Variants in INPP4B observed in about 807,000 individuals in gnomAD.
INPP4B encodes the protein inositol polyphosphate 4-phosphatase type II.
A neutral mutation model predicts 122.5 loss-of-function variants in INPP4B; 55 were observed. That is an observed-to-expected ratio of 0.45 (90% confidence interval 0.36 to 0.56). The LOEUF is 0.56. INPP4B is among the 20% of genes least tolerant of loss of function. The probability of loss-of-function intolerance (pLI) is 0.00; values close to 1 mark genes in which losing one functional copy is unlikely to be tolerated. For synonymous variants in INPP4B, 403 were observed against 388.7 expected (o/e 1.04, Z -0.43); for missense variants, 1,000 against 1,097.7 (o/e 0.91, Z 1.26).
chr4:142,113,107 G>A (rs1012611219), intron 21 of INPP4B, among the ~76,000 whole-genome samples: 1 of 151,930 alleles, frequency 6.6e-6, no homozygotes, highest in Admixed American at 6.6e-5. Context: ...TGGCTTGTTT[G>A]TTATCACTAT....
chr4:142,784,662 C>A (rs1298891024), intron 1 of INPP4B, among the ~76,000 whole-genome samples: 1 of 152,030 alleles, frequency 6.6e-6, no homozygotes, highest in Non-Finnish European at 1.5e-5. Flanking sequence ...GAAGACCCCA[C>A]AAGTTGGTAG....
intron 11 of INPP4B, among the ~76,000 whole-genome samples, chr4:142,246,051 T>TTA (rs1162765316): frequency 8.9e-4 from 47 of 52,526 alleles, no homozygotes; most frequent in African/African-American, 2.2e-3. Context: ...TATACACACA[T>TTA]TATATATATG....
intron 2 of INPP4B, among the ~76,000 whole-genome samples, chr4:142,540,027 A>G (rs939070047): frequency 2.6e-5 from 4 of 152,056 alleles, no homozygotes; most frequent in African/African-American, 9.7e-5. Context: ...TTAACTCCAA[A>G]TCACTTTTTT....
intron 5 of INPP4B, chr4:142,425,190 C>T (rs998790765): frequency 1.3e-5 from 2 of 152,062 alleles, no homozygotes; most frequent in Admixed American, 1.3e-4. Flanking sequence ...TCCCATGTCT[C>T]TCCATCCTTT....
chr4:142,314,223 A>T (rs1182572876), intron 8 of INPP4B, among the ~76,000 whole-genome samples: 1 of 152,212 alleles, frequency 6.6e-6, no homozygotes, highest in African/African-American at 2.4e-5. Flanking sequence ...CTAGAGAGGC[A>T]ATAGTTCAGT....
At chr4:142,611,889 G>C (rs549244222) in intron 2 of INPP4B, among the ~76,000 whole-genome samples, 35 of 151,928 alleles carry the variant, frequency 2.3e-4, no homozygotes, top group Non-Finnish European at 4.6e-4. Context: ...GGCTGGTCTC[G>C]AACTCCTGAC....
At chr4:142,335,061 A>G (rs1016293088) in intron 7 of INPP4B, among the ~76,000 whole-genome samples, 12 of 149,264 alleles carry the variant, frequency 8.0e-5, no homozygotes, top group African/African-American at 2.5e-4. Context: ...AAAGCCTATA[A>G]CTCAGCAGGC....
intron 7 of INPP4B, among the ~76,000 whole-genome samples, chr4:142,336,087 T>G (rs2646095): frequency 0.7 from 107,139 of 152,122 alleles, 38,848 homozygotes; most frequent in East Asian, 0.85. Flanking sequence ...ACTATCTGCT[T>G]TTGGGCTCCC....
At chr4:142,114,203 G>A (rs9995208) in intron 21 of INPP4B, among the ~76,000 whole-genome samples, 20,157 of 151,862 alleles carry the variant, frequency 0.13, 1,506 homozygotes, top group East Asian at 0.23. Flanking sequence ...TTGTCAACAC[G>A]TTTATCAGTT....
At chr4:142,623,837 C>G (rs549057897) in intron 2 of INPP4B, among the ~76,000 whole-genome samples, 1 of 151,150 alleles carries the variant, frequency 6.6e-6, no homozygotes, top group Non-Finnish European at 1.5e-5. Context: ...TTTGTCCTTG[C>G]GATAGTTTAC....
chr4:142,177,368 T>C (rs908086105), intron 15 of INPP4B, among the ~76,000 whole-genome samples: 3 of 152,190 alleles, frequency 2.0e-5, no homozygotes, highest in African/African-American at 7.2e-5. Flanking sequence ...CAGTTATAGC[T>C]TCTTAAATGG....
intron 7 of INPP4B, among the ~76,000 whole-genome samples, chr4:142,401,615 A>C (rs1801609865): frequency 6.6e-6 from 1 of 152,218 alleles, no homozygotes; most frequent in Admixed American, 6.5e-5. Flanking sequence ...AATAGCAGTA[A>C]CTTACCCTTA....
intron 1 of INPP4B, among the ~76,000 whole-genome samples, chr4:142,826,139 AT>A: frequency 6.6e-6 from 1 of 152,178 alleles, no homozygotes. Context: ...ATATACATAT[AT>A]GAGAAACGGT....
At chr4:142,447,402 A>G (rs1813146499) in intron 3 of INPP4B, among the ~76,000 whole-genome samples, 1 of 152,190 alleles carries the variant, frequency 6.6e-6, no homozygotes, top group Non-Finnish European at 1.5e-5. Flanking sequence ...CTGGATTGGG[A>G]AACCATTAAA....
rs141155494 is a variant in INPP4B at position 142,453,969 on chromosome 4, T to C, written c.-127+8694A>G. ...TCATGGACTGATTTAACAAATGCCT[T>C]GTGAAACACGGGTTAATTCTCTGTG... On this transcript the variant is annotated intron_variant, in intron 3 of 25. Coordinates refer to ENST00000262992, the MANE Select transcript of INPP4B (RefSeq NM_001101669.3). Among the ~76,000 whole-genome samples the C allele has an allele frequency of 9.9e-5, 15 of 152,220 alleles. No individual in the cohort carries two copies. In the East Asian group the frequency reaches 2.9e-3, roughly 29 times the overall value.
chr4:142,235,575 C>T (rs1007364629), intron 12 of INPP4B, among the ~76,000 whole-genome samples: 7 of 152,112 alleles, frequency 4.6e-5, no homozygotes, highest in African/African-American at 1.7e-4. Context: ...TCGCCCACCA[C>T]CACGCCTGGA....
intron 7 of INPP4B, among the ~76,000 whole-genome samples, chr4:142,362,944 T>C (rs1344257722): frequency 6.6e-6 from 1 of 151,998 alleles, no homozygotes; most frequent in Non-Finnish European, 1.5e-5. Flanking sequence ...CCTCATGCAA[T>C]ATATCCTTGT....
At chr4:142,537,278 C>T (rs2150011156) in intron 2 of INPP4B, among the ~76,000 whole-genome samples, 1 of 151,010 alleles carries the variant, frequency 6.6e-6, no homozygotes, top group East Asian at 1.9e-4. Flanking sequence ...ATGGACAGGG[C>T]TCTTAAAGGG....
chr4:142,126,662 C>T (rs1259904530), intron 18 of INPP4B, among the ~76,000 whole-genome samples: 1 of 151,996 alleles, frequency 6.6e-6, no homozygotes, highest in East Asian at 1.9e-4. Flanking sequence ...TAATATTGGA[C>T]AAACTTATAG....
Sources: allele counts gnomAD v4.1 joint callset (sites outside exome capture counted in the v4.1 genomes callset), GRCh38; gene constraint gnomAD v4.1.1; transcripts MANE v1.5; gene names NCBI Gene and HGNC (gene_info 2026-07-23, HGNC 2026-07-21).